ILDR1: variants seen among roughly 807,000 people sequenced by gnomAD.
ILDR1 encodes the protein immunoglobulin-like domain-containing receptor 1.
Under a neutral mutation model 62.4 loss-of-function variants are expected in ILDR1, and 56 were observed. The observed-to-expected ratio is 0.90, with a 90% confidence interval of 0.72 to 1.12. The LOEUF (loss-of-function observed/expected upper bound fraction) is 1.12, where lower values mean the gene tolerates loss of function less well. ILDR1 is among the 50% of genes most tolerant of loss of function. The pLI, the probability that ILDR1 is intolerant of heterozygous loss-of-function variation, is 0.00. For synonymous variants in ILDR1, 284 were observed against 277.8 expected (o/e 1.02, Z -0.22); for missense variants, 736 against 710.6 (o/e 1.04, Z -0.41).
chr3:122,010,159 GGCAGT>G (rs1315924879), intron 1 of ILDR1, among the ~76,000 whole-genome samples: 1 of 152,216 alleles, frequency 6.6e-6, no homozygotes, highest in Non-Finnish European at 1.5e-5. Flanking sequence ...ATTAGGAAGG[GGCAGT>G]TACTTGGGTA....
chr3:121,993,086 T>G, intron 7 of ILDR1, 64 bp downstream of exon 7: 2 of 1,324,228 alleles, frequency 1.5e-6, no homozygotes, highest in Non-Finnish European at 2.1e-6. Flanking sequence ...TTGGCTGTGG[T>G]CATGCCTGGC....
rs757459801 is a variant in ILDR1, at chr3:121,993,475, G to A, written c.1274C>T (p.Pro425Leu). ...CCGCCAGCGTGCCTCACTGGATGAGGGGACATCGCTTAGGCTGTCCCTGTC... is the reference window on the plus strand; with the variant it reads ...CCGCCAGCGTGCCTCACTGGATGAGAGGACATCGCTTAGGCTGTCCCTGTC... ...WSDRDSLSDV[P>L]SSSEARWRPS... The change falls in exon 7 of 8, where the codon CCC becomes CTC. Residue 425 changes from proline to leucine, a missense_variant. By Grantham distance (98) the Pro-to-Leu change is moderately conservative. Coordinates refer to ENST00000344209, the MANE Select transcript of ILDR1 (RefSeq NM_001199799.2). 1.9e-6 allele frequency: 3 copies of A among 1,614,126 alleles called. No individual in the cohort carries two copies. Among genetic ancestry groups the A allele is most frequent in the East Asian group, 2.2e-5 (1 of 44,898 alleles).
At chr3:122,004,149 C>T (rs1214324040) in intron 3 of ILDR1, among the ~76,000 whole-genome samples, 5 of 152,294 alleles carry the variant, frequency 3.3e-5, no homozygotes, top group Non-Finnish European at 5.9e-5. Flanking sequence ...GATATTGTAG[C>T]GATGGCCACC....
the ILDR1 span, among the ~76,000 whole-genome samples, chr3:122,048,875 A>T: frequency 6.6e-6 from 1 of 152,102 alleles, no homozygotes; most frequent in East Asian, 1.9e-4. Flanking sequence ...GCCTCAAGTG[A>T]TCCTCCTACC....
intron 1 of ILDR1, 26 bp downstream of exon 1, chr3:122,021,994 G>T: frequency 6.2e-7 from 1 of 1,602,382 alleles, no homozygotes; most frequent in Non-Finnish European, 8.5e-7. Flanking sequence ...TGGGTCCAGG[G>T]TGGGTACCAT....
intron 5 of ILDR1, among the ~76,000 whole-genome samples, chr3:121,996,401 T>C (rs2071435883): frequency 6.6e-6 from 1 of 152,162 alleles, no homozygotes; most frequent in African/African-American, 2.4e-5. Context: ...TTTTCCAGGG[T>C]CTCACCCTTC....
At chr3:122,025,780 A>G (rs1291917086), upstream of ILDR1, among the ~76,000 whole-genome samples, 1 of 152,200 alleles carries the variant, frequency 6.6e-6, no homozygotes, top group Non-Finnish European at 1.5e-5. Flanking sequence ...AGTAAAAATC[A>G]TGCACCAGCT....
At chr3:122,023,193 A>G (rs2071890881), upstream of ILDR1, among the ~76,000 whole-genome samples, 1 of 151,328 alleles carries the variant, frequency 6.6e-6, no homozygotes, top group South Asian at 2.1e-4. Context: ...GTAGGTACAT[A>G]TTTATTTTAT....
At chr3:122,050,545 T>TCCC in the ILDR1 span, among the ~76,000 whole-genome samples, 79 of 142,692 alleles carry the variant, frequency 5.5e-4, no homozygotes, top group African/African-American at 1.5e-3. Flanking sequence ...TGCTTTTACT[T>TCCC]CCCCCCCCCC....
At position 121,993,699 on chromosome 3, in the gene ILDR1, G is replaced by T. The variant is rs1309279027; in HGVS notation, c.1050C>A (p.His350Gln). The T allele has an allele frequency of 6.2e-7, 1 of 1,614,048 alleles. No homozygotes were observed. The highest frequency in any genetic ancestry group is 8.5e-7 in the Non-Finnish European group (1 of 1,179,998). Residue 350 changes from histidine (H) to glutamine (Q), a missense_variant, in exon 7 of 8, where the codon CAC (histidine) becomes CAA (glutamine). Physicochemically the swap from His to Gln is conservative, Grantham distance 24. Transcript: ENST00000344209. ...SSSRRTSDSL[H>Q]QQWLTPIPSR... is the part of the protein sequence containing the mutation. ...AGGGAATTGGGGTGAGCCACTGCTG[G>T]TGCAGGGAGTCACTGGTCCTCCTTG...
At chr3:122,039,581 A>G in the ILDR1 span, among the ~76,000 whole-genome samples, 22 of 152,206 alleles carry the variant, frequency 1.4e-4, no homozygotes, top group African/African-American at 4.8e-4. Flanking sequence ...ACTTTTTCAG[A>G]CAAATACTGG....
At chr3:122,036,986 C>T in the ILDR1 span, among the ~76,000 whole-genome samples, 1 of 152,224 alleles carries the variant, frequency 6.6e-6, no homozygotes, top group Non-Finnish European at 1.5e-5. Context: ...GCCTTGGTGG[C>T]TTCCACATGG....
the ILDR1 span, among the ~76,000 whole-genome samples, chr3:122,038,184 T>C: frequency 1.3e-5 from 2 of 152,172 alleles, no homozygotes; most frequent in Non-Finnish European, 2.9e-5. Flanking sequence ...ATCAGAGAAC[T>C]TTCCCCCACC....
At chr3:122,029,351 A>G in the ILDR1 span, among the ~76,000 whole-genome samples, 1 of 151,986 alleles carries the variant, frequency 6.6e-6, no homozygotes, top group African/African-American at 2.4e-5. Context: ...TACTAAAAAT[A>G]CAAAAATTAG....
At chr3:122,040,283 A>G in the ILDR1 span, among the ~76,000 whole-genome samples, 29 of 152,140 alleles carry the variant, frequency 1.9e-4, no homozygotes, top group East Asian at 5.0e-3. Context: ...TAAAACTGCA[A>G]TCTTGGAAAC....
At chr3:121,990,959 T>C (rs777299961) in intron 7 of ILDR1, among the ~76,000 whole-genome samples, 3 of 152,174 alleles carry the variant, frequency 2.0e-5, no homozygotes, top group Admixed American at 6.5e-5. Context: ...CCCAGCACTT[T>C]GGGAGGTCGA....
upstream of ILDR1, chr3:122,022,366 T>G: frequency 2.8e-6 from 1 of 360,494 alleles, no homozygotes. Context: ...TGCTGCCGCC[T>G]CCTGCTCGCT....
rs748215825 is a variant in ILDR1 at position 121,993,259 on chromosome 3, CG to C, written c.1489del (p.Arg497AlafsTer83). ...RQPQSWRAHR[R>X]GSHSPHWPEE... Reference sequence around the variant, plus strand: ...GGGCCAGTGTGGGGAGTGCGAGCCGCGGCGGTGGGCCCGCCAGCTCTGGGGC... The same window carrying C: ...GGGCCAGTGTGGGGAGTGCGAGCCGCGCGGTGGGCCCGCCAGCTCTGGGGC... On this transcript the variant is annotated frameshift_variant, in exon 7 of 8. Coordinates refer to ENST00000344209, the MANE Select transcript of ILDR1 (RefSeq NM_001199799.2). LOFTEE classifies it high-confidence loss of function. 6.2e-7 allele frequency: 1 copy of C among 1,613,538 alleles called. No homozygotes were observed. Among genetic ancestry groups the C allele is most frequent in the African/African-American group, 1.3e-5 (1 of 75,060 alleles).
chr3:122,027,388 C>T, the ILDR1 span, among the ~76,000 whole-genome samples: 1 of 152,144 alleles, frequency 6.6e-6, no homozygotes, highest in Non-Finnish European at 1.5e-5. Context: ...TGGGGTTTCA[C>T]CATGTTGGCC....
Sources: allele counts gnomAD v4.1 joint callset (sites outside exome capture counted in the v4.1 genomes callset), GRCh38; gene constraint gnomAD v4.1.1; transcripts MANE v1.5; gene names NCBI Gene and HGNC (gene_info 2026-07-23, HGNC 2026-07-21).